ANO4: variants seen among roughly 807,000 people sequenced by gnomAD.
The protein encoded by ANO4 is anoctamin-4.
In ANO4, 69 loss-of-function variants were observed where a neutral mutation model predicts 141.9. That is an observed-to-expected ratio of 0.49 (90% CI 0.40 to 0.59). The LOEUF is 0.59. Among genes scored for constraint, ANO4 ranks in the 20% least tolerant of loss-of-function variants. The pLI, the probability that ANO4 is intolerant of heterozygous loss-of-function variation, is 0.00. For synonymous variants in ANO4, 350 were observed against 394.3 expected (o/e 0.89, Z 1.33); for missense variants, 894 against 1,162.2 (o/e 0.77, Z 3.36).
At chr12:100,981,228 C>T (rs1178828246) in intron 7 of ANO4, among the ~76,000 whole-genome samples, 2 of 152,148 alleles carry the variant, frequency 1.3e-5, no homozygotes, top group African/African-American at 4.8e-5. Flanking sequence ...GGTATTTAGG[C>T]TATGCTCCAA....
At chr12:101,089,371 G>C (rs1190499727) in intron 17 of ANO4, among the ~76,000 whole-genome samples, 1 of 151,966 alleles carries the variant, frequency 6.6e-6, no homozygotes, top group Non-Finnish European at 1.5e-5. Context: ...AAAAAAAAAG[G>C]GCAGTTGCTG....
At chr12:100,724,858 A>G (rs182181450) in intron 1 of ANO4, among the ~76,000 whole-genome samples, 14 of 152,324 alleles carry the variant, frequency 9.2e-5, no homozygotes, top group Admixed American at 8.5e-4. Flanking sequence ...AAATCAACAC[A>G]TTGATATTTC....
chr12:100,769,740 AC>A (rs2135548570), intron 3 of ANO4, among the ~76,000 whole-genome samples: 1 of 152,238 alleles, frequency 6.6e-6, no homozygotes, highest in South Asian at 2.1e-4. Context: ...TACTTCTCCC[AC>A]CCCATAGCTG....
intron 1 of ANO4, among the ~76,000 whole-genome samples, chr12:100,863,947 T>C (rs2038617531): frequency 6.6e-6 from 1 of 152,204 alleles, no homozygotes; most frequent in South Asian, 2.1e-4. Flanking sequence ...AGAAAATTCC[T>C]TCAGGCACGG....
intron 14 of ANO4, among the ~76,000 whole-genome samples, chr12:101,067,325 A>T (rs572545399): frequency 6.6e-6 from 1 of 152,174 alleles, no homozygotes; most frequent in Non-Finnish European, 1.5e-5. Flanking sequence ...TTTCTCTGGT[A>T]TGTTCTTTCC....
At chr12:100,865,786 C>T (rs146802714) in intron 1 of ANO4, among the ~76,000 whole-genome samples, 6 of 152,216 alleles carry the variant, frequency 3.9e-5, no homozygotes, top group South Asian at 2.1e-4. Context: ...GTGTGGGTAT[C>T]GTGTAAGAAA....
At chr12:100,753,449 C>T (rs1193146977) in intron 3 of ANO4, among the ~76,000 whole-genome samples, 1 of 151,944 alleles carries the variant, frequency 6.6e-6, no homozygotes, top group African/African-American at 2.4e-5. Flanking sequence ...AGACATCATG[C>T]TGTCCTCCTC....
chr12:101,083,600 G>A (rs2049368488), intron 15 of ANO4, 78 bp from the exon 16 acceptor site: 3 of 1,509,238 alleles, frequency 2.0e-6, no homozygotes, highest in Non-Finnish European at 8.9e-7. Context: ...CTGTTTTATG[G>A]TGGGGTAAAA....
intron 19 of ANO4, among the ~76,000 whole-genome samples, chr12:101,096,849 C>T (rs1385006584): frequency 6.6e-6 from 1 of 152,188 alleles, no homozygotes; most frequent in Admixed American, 6.5e-5. Flanking sequence ...ACTGTCTGTG[C>T]ACCTTTTGTT....
At chr12:100,822,331 CT>C (rs1020902075) in intron 1 of ANO4, among the ~76,000 whole-genome samples, 6 of 152,018 alleles carry the variant, frequency 3.9e-5, no homozygotes, top group African/African-American at 1.2e-4. Flanking sequence ...TTTTTCTTCA[CT>C]TCTTTCCCCA....
chr12:100,820,948 T>C (rs574487027), intron 1 of ANO4, among the ~76,000 whole-genome samples: 11 of 152,152 alleles, frequency 7.2e-5, no homozygotes, highest in Non-Finnish European at 1.0e-4. Flanking sequence ...TCTTGTATCT[T>C]ATTTTTGTTG....
rs34861561 is a variant in ANO4 at position 100,966,816 on chromosome 12, CAT to C, written c.457-4480_457-4479del. On this transcript the variant is annotated intron_variant, in intron 5 of 27. Coordinates refer to ENST00000392977, the MANE Select transcript of ANO4 (RefSeq NM_001286615.2). Reference sequence around the variant, plus strand: ...ACATGTATATATATACACACACACACATATATATATACACATATATATACACA... The same window carrying C: ...ACATGTATATATATACACACACACACATATATATACACATATATATACACA... Among the ~76,000 whole-genome samples, 793 of 142,312 alleles carry C rather than the reference CAT, an allele frequency of 5.6e-3. 7 individuals are homozygous for C. Among genetic ancestry groups the C allele is most frequent in the East Asian group, 0.035 (164 of 4,748 alleles). 93.4% of individuals were successfully genotyped at this position (142,312 alleles called of 152,430 possible). A position where few individuals can be genotyped will look rare whatever the true frequency, so the allele number is the denominator to read the frequency against.
intron 27 of ANO4, 147 bp downstream of exon 27, chr12:101,127,221 T>G: frequency 1.1e-6 from 1 of 916,302 alleles, no homozygotes; most frequent in South Asian, 1.9e-5. Context: ...AAGCTTGTTT[T>G]TTACTTTAAT....
At chr12:101,094,441 A>C in intron 18 of ANO4, 149 bp downstream of exon 18, 1 of 531,366 alleles carries the variant, frequency 1.9e-6, no homozygotes, top group Non-Finnish European at 3.2e-6. Flanking sequence ...CAACAGAATA[A>C]TTTAAATATG....
At chr12:100,780,150 C>T (rs1045118157) in intron 3 of ANO4, among the ~76,000 whole-genome samples, 2 of 151,950 alleles carry the variant, frequency 1.3e-5, no homozygotes, top group African/African-American at 2.4e-5. Flanking sequence ...TAGCCTCCCC[C>T]GAGTAGCAGA....
At chr12:100,958,813 G>A (rs915770025) in intron 5 of ANO4, among the ~76,000 whole-genome samples, 3 of 152,238 alleles carry the variant, frequency 2.0e-5, no homozygotes, top group Non-Finnish European at 2.9e-5. Flanking sequence ...GCGCCCCTGC[G>A]ATCCAGCCTG....
intron 13 of ANO4, among the ~76,000 whole-genome samples, chr12:101,046,088 A>G (rs1027370727): frequency 2.0e-5 from 3 of 152,282 alleles, no homozygotes; most frequent in African/African-American, 7.2e-5. Flanking sequence ...CAGAGAGGAC[A>G]GCGTGCCCCA....
intron 1 of ANO4, among the ~76,000 whole-genome samples, chr12:100,883,719 T>C (rs575620604): frequency 6.6e-6 from 1 of 152,332 alleles, no homozygotes; most frequent in South Asian, 2.1e-4. Context: ...TGACTCAATA[T>C]ATTGAAATTT....
At chr12:100,870,090 A>T (rs2038956979) in intron 1 of ANO4, among the ~76,000 whole-genome samples, 1 of 152,224 alleles carries the variant, frequency 6.6e-6, no homozygotes, top group Non-Finnish European at 1.5e-5. Flanking sequence ...GGAAAAATTC[A>T]TGAAGGGTTA....
Sources: allele counts gnomAD v4.1 joint callset (sites outside exome capture counted in the v4.1 genomes callset), GRCh38; gene constraint gnomAD v4.1.1; transcripts MANE v1.5; gene names NCBI Gene and HGNC (gene_info 2026-07-23, HGNC 2026-07-21).